The following PHF20 variants were observed in gnomAD, a reference collection of about 807,000 sequenced individuals.
PHF20 encodes the protein PHD finger protein 20.
In PHF20, 23 loss-of-function variants were observed where a neutral mutation model predicts 113.5. That is an observed-to-expected ratio of 0.20 (90% CI 0.15 to 0.29). The LOEUF is 0.29. Ranked by LOEUF, PHF20 falls within the 10% of genes least tolerant of loss-of-function variation. The pLI, the probability that PHF20 is intolerant of heterozygous loss-of-function variation, is 1.00. For missense variants in PHF20, 943 were observed against 1,219.6 expected (o/e 0.77, Z 3.38); for synonymous variants, 434 against 457.3 (o/e 0.95, Z 0.65).
intron 4 of PHF20, chr20:35,856,308 G>GTAAT (rs767720226): frequency 6.6e-6 from 1 of 152,188 alleles, no homozygotes; most frequent in Non-Finnish European, 1.5e-5. Flanking sequence ...AGGTCAGTAG[G>GTAAT]TAATTACTAA....
intron 1 of PHF20, among the ~76,000 whole-genome samples, chr20:35,791,207 A>C (rs997295985): frequency 3.9e-5 from 6 of 152,188 alleles, no homozygotes; most frequent in African/African-American, 1.2e-4. Context: ...TTTTAGAAAT[A>C]TCACTGTAGC....
chr20:35,930,505 T>C (rs1339657381), intron 14 of PHF20, among the ~76,000 whole-genome samples: 1 of 150,378 alleles, frequency 6.6e-6, no homozygotes, highest in Non-Finnish European at 1.5e-5. Flanking sequence ...CAAAAAAAAA[T>C]GAAAGAAAGA....
At chr20:35,842,422 A>T in intron 2 of PHF20, 151 bp from the exon 3 acceptor site, 1 of 618,654 alleles carries the variant, frequency 1.6e-6, no homozygotes, top group South Asian at 2.1e-5. Flanking sequence ...ACCCTCCATA[A>T]TTTGTGATTT....
chr20:35,872,844 C>T (rs1175131046), intron 9 of PHF20, among the ~76,000 whole-genome samples: 2 of 152,170 alleles, frequency 1.3e-5, no homozygotes, highest in Admixed American at 6.5e-5. Flanking sequence ...GTTTCATATG[C>T]ACTTGAAAAG....
chr20:35,891,960 A>G (rs1281972150), intron 9 of PHF20, among the ~76,000 whole-genome samples: 2 of 151,884 alleles, frequency 1.3e-5, no homozygotes, highest in African/African-American at 2.4e-5. Flanking sequence ...ACCTCCGCCT[A>G]CCGGGTTCAA....
At chr20:35,798,110 T>G (rs2041704100) in intron 1 of PHF20, among the ~76,000 whole-genome samples, 1 of 152,188 alleles carries the variant, frequency 6.6e-6, no homozygotes, top group Non-Finnish European at 1.5e-5. Flanking sequence ...TTTTTCTTCC[T>G]GTCTTTACAA....
At position 35,782,162 on chromosome 20, in the gene PHF20, G is replaced by A. The variant is rs114688875; in HGVS notation, c.-33+10083G>A. On this transcript the variant is annotated intron_variant, in intron 1 of 17. Transcript: ENST00000374012. ...TGAATTCTGTGTAATGTGCTTTGAT[G>A]AGTAGGAAATTGGTCGTGCTGTGAC... 3.0e-3 allele frequency among the ~76,000 whole-genome samples: 450 copies of A among 152,012 alleles called. 1 individual carries two copies. The highest frequency in any genetic ancestry group is 0.01 in the African/African-American group (421 of 41,466).
intron 2 of PHF20, among the ~76,000 whole-genome samples, chr20:35,805,093 G>A (rs1164906142): frequency 4.6e-5 from 7 of 151,246 alleles, no homozygotes; most frequent in Admixed American, 2.0e-4. Flanking sequence ...TAGTAGAGCC[G>A]GTGTTTCACC....
chr20:35,868,210 T>C (rs2054352343), intron 6 of PHF20, among the ~76,000 whole-genome samples: 1 of 152,038 alleles, frequency 6.6e-6, no homozygotes, highest in Admixed American at 6.6e-5. Flanking sequence ...GGAGAATCAC[T>C]TGAACCCGGG....
At chr20:35,864,155 C>T (rs2146974705) in intron 6 of PHF20, among the ~76,000 whole-genome samples, 1 of 152,158 alleles carries the variant, frequency 6.6e-6, no homozygotes, top group East Asian at 1.9e-4. Context: ...GACCTTCAGA[C>T]ATTCTTGATT....
At chr20:35,821,549 C>T (rs1392223315) in intron 2 of PHF20, among the ~76,000 whole-genome samples, 2 of 149,518 alleles carry the variant, frequency 1.3e-5, no homozygotes, top group South Asian at 2.1e-4. Flanking sequence ...GTCCCAGCTA[C>T]TTGGGAGGTT....
intron 1 of PHF20, among the ~76,000 whole-genome samples, chr20:35,772,680 C>T (rs1193465278): frequency 1.3e-5 from 2 of 151,748 alleles, no homozygotes; most frequent in South Asian, 2.1e-4. Flanking sequence ...TAGGGCGTAC[C>T]CTCTTCCGTC....
chr20:35,778,198 C>T (rs543581048), intron 1 of PHF20, among the ~76,000 whole-genome samples: 179 of 152,236 alleles, frequency 1.2e-3, no homozygotes, highest in African/African-American at 4.1e-3. Flanking sequence ...ATTCTTGTGC[C>T]TCAGCCTCCT....
intron 2 of PHF20, among the ~76,000 whole-genome samples, chr20:35,835,975 A>C (rs2042432786): frequency 6.6e-6 from 1 of 152,178 alleles, no homozygotes; most frequent in Non-Finnish European, 1.5e-5. Flanking sequence ...AAACTTTTAT[A>C]ATCTTCTTGA....
intron 9 of PHF20, among the ~76,000 whole-genome samples, chr20:35,882,874 A>C (rs2054659548): frequency 6.6e-6 from 1 of 152,050 alleles, no homozygotes; most frequent in Non-Finnish European, 1.5e-5. Flanking sequence ...TAAAAATACA[A>C]AAGTTTAGCC....
intron 9 of PHF20, among the ~76,000 whole-genome samples, chr20:35,886,892 G>T (rs78828930): frequency 2.6e-5 from 4 of 152,190 alleles, no homozygotes; most frequent in African/African-American, 9.7e-5. Flanking sequence ...TGAAGCAGTT[G>T]CTGGAGCAGG....
intron 2 of PHF20, among the ~76,000 whole-genome samples, chr20:35,807,033 G>T (rs1298333941): frequency 1.3e-5 from 2 of 151,970 alleles, no homozygotes; most frequent in African/African-American, 4.8e-5. Flanking sequence ...CTGACCTTGT[G>T]ATCTGCCCGC....
intron 15 of PHF20, 101 bp from the exon 16 acceptor site, chr20:35,938,596 G>A: frequency 8.5e-7 from 1 of 1,177,238 alleles, no homozygotes; most frequent in Non-Finnish European, 1.2e-6. Context: ...AGATGGCCCA[G>A]GTGGAGCTGC....
chr20:35,911,529 TGTA>T (rs1419565829), intron 10 of PHF20, among the ~76,000 whole-genome samples: 1 of 152,226 alleles, frequency 6.6e-6, no homozygotes, highest in East Asian at 1.9e-4. Context: ...ATGAATATGT[TGTA>T]GTGGATGGCA....
Sources: gnomAD v4.1 joint callset for allele counts (sites outside exome capture counted in the v4.1 genomes callset) on GRCh38, gnomAD v4.1.1 for gene constraint, MANE v1.5 for transcripts, NCBI Gene and HGNC (gene_info 2026-07-23, HGNC 2026-07-21) for gene names.